The following TAF4B variants were observed in gnomAD, a reference collection of about 807,000 sequenced individuals.
TAF4B encodes the protein transcription initiation factor TFIID subunit 4B.
In TAF4B, 38 loss-of-function variants were observed where a neutral mutation model predicts 86.4. That is an observed-to-expected ratio of 0.44 (90% confidence interval 0.34 to 0.58). The LOEUF is 0.58. TAF4B is among the 20% of genes least tolerant of loss of function. The pLI, the probability that TAF4B is intolerant of heterozygous loss-of-function variation, is 0.02. For missense variants in TAF4B, 988 were observed against 1,027.6 expected, an observed-to-expected ratio of 0.96 and a Z score of 0.53; for synonymous variants, 388 against 391.2, an observed-to-expected ratio of 0.99 and a Z score of 0.10.
intron 10 of TAF4B, among the ~76,000 whole-genome samples, chr18:26,316,217 G>A (rs2056910327): frequency 6.6e-6 from 1 of 151,958 alleles, no homozygotes. Flanking sequence ...ATTTTATAAC[G>A]AAGGCTTGAT....
At chr18:26,368,988 G>C (rs1377794981) in intron 14 of TAF4B, among the ~76,000 whole-genome samples, 3 of 152,080 alleles carry the variant, frequency 2.0e-5, no homozygotes, top group Admixed American at 6.5e-5. Flanking sequence ...TGGTAGTAAG[G>C]GTATTCAGTA....
At chr18:26,245,203 CA>C (rs2055904235) in intron 1 of TAF4B, among the ~76,000 whole-genome samples, 1 of 152,110 alleles carries the variant, frequency 6.6e-6, no homozygotes, top group Non-Finnish European at 1.5e-5. Flanking sequence ...GAATAGCAAG[CA>C]AAAGGGGTCC....
intron 13 of TAF4B, among the ~76,000 whole-genome samples, chr18:26,338,729 C>T (rs1407201403): frequency 3.3e-5 from 5 of 151,982 alleles, no homozygotes; most frequent in South Asian, 2.1e-4. Context: ...CCTCCTGCCT[C>T]GGCCTCCCAA....
At chr18:26,324,047 G>A (rs12953773) in intron 11 of TAF4B, among the ~76,000 whole-genome samples, 31,205 of 151,740 alleles carry the variant, frequency 0.21, 4,047 homozygotes, top group Non-Finnish European at 0.29. Flanking sequence ...TTCTCATTTC[G>A]TTTTGGATAT....
intron 14 of TAF4B, among the ~76,000 whole-genome samples, chr18:26,383,871 T>A (rs1383559103): frequency 6.6e-6 from 1 of 152,206 alleles, no homozygotes; most frequent in Non-Finnish European, 1.5e-5. Context: ...GTTCTGCTTG[T>A]TGACCAGCAG....
rs371487723 is a variant in TAF4B, at chr18:26,286,053, G to T, written c.1144G>T (p.Val382Phe). Residue 382 changes from valine (V) to phenylalanine (F), a missense_variant, in exon 7 of 15, where the codon GTT (valine) becomes TTT (phenylalanine). Val to Phe is a conservative substitution (Grantham distance 50, BLOSUM62 -1). Transcript: ENST00000269142. ...SSSQSEKSII[V>F]SGATAPRTVS... ...AAGCCAGTCTGAAAAGTCAATTATT[G>T]TTTCTGGAGCAACAGCACCCAGAAC... 47 of 1,614,056 alleles carry T rather than the reference G, an allele frequency of 2.9e-5. No homozygotes were observed. Among genetic ancestry groups the T allele is most frequent in the Non-Finnish European group, 3.7e-5 (44 of 1,180,050 alleles).
At chr18:26,246,041 A>G (rs910824602) in intron 1 of TAF4B, among the ~76,000 whole-genome samples, 3 of 152,196 alleles carry the variant, frequency 2.0e-5, no homozygotes, top group African/African-American at 7.2e-5. Context: ...TAATATTTCA[A>G]TCGGCATTGC....
At chr18:26,348,115 A>G (rs1172372629) in intron 13 of TAF4B, among the ~76,000 whole-genome samples, 1 of 152,236 alleles carries the variant, frequency 6.6e-6, no homozygotes, top group African/African-American at 2.4e-5. Context: ...TGCAGAATAC[A>G]TATTCTTTCC....
intron 7 of TAF4B, 52 bp from the exon 8 acceptor site, chr18:26,292,193 CT>C: frequency 6.4e-7 from 1 of 1,559,062 alleles, no homozygotes. Context: ...AAATCTTATC[CT>C]TTTCTAAAGC....
chr18:26,356,551 A>G (rs191842448), intron 13 of TAF4B, among the ~76,000 whole-genome samples: 92 of 152,122 alleles, frequency 6.0e-4, no homozygotes, highest in African/African-American at 2.1e-3. Context: ...TTTGGTTAGT[A>G]CTCTTTTGAA....
intron 14 of TAF4B, among the ~76,000 whole-genome samples, chr18:26,384,952 A>T (rs1337690634): frequency 6.6e-6 from 1 of 152,142 alleles, no homozygotes; most frequent in Admixed American, 6.5e-5. Flanking sequence ...GTTCTTGCCC[A>T]TAGTAGGTAC....
At chr18:26,293,616 T>C in intron 9 of TAF4B, 85 bp downstream of exon 9, 1 of 762,952 alleles carries the variant, frequency 1.3e-6, no homozygotes, top group South Asian at 2.1e-5. Flanking sequence ...CTTACTAAAA[T>C]AGATATACTG....
At chr18:26,343,543 T>C (rs1411274055) in intron 13 of TAF4B, among the ~76,000 whole-genome samples, 1 of 152,220 alleles carries the variant, frequency 6.6e-6, no homozygotes, top group East Asian at 1.9e-4. Context: ...TTGGAACCTG[T>C]GGCTTGAACC....
At chr18:26,306,255 A>G (rs906365268) in intron 9 of TAF4B, among the ~76,000 whole-genome samples, 15 of 152,178 alleles carry the variant, frequency 9.9e-5, no homozygotes, top group African/African-American at 2.7e-4. Flanking sequence ...CCCACTGTAT[A>G]GTTTTTGATG....
intron 1 of TAF4B, among the ~76,000 whole-genome samples, chr18:26,237,544 T>C (rs900605650): frequency 6.6e-6 from 1 of 151,846 alleles, no homozygotes; most frequent in African/African-American, 2.4e-5. Flanking sequence ...GTGGGGGAGA[T>C]TAGAGGAGGC....
At chr18:26,233,206 C>T (rs1015339385) in intron 1 of TAF4B, among the ~76,000 whole-genome samples, 1 of 152,072 alleles carries the variant, frequency 6.6e-6, no homozygotes, top group South Asian at 2.1e-4. Context: ...CTCTGGTGAG[C>T]GGCTGGGAAG....
chr18:26,262,591 C>T (rs774220910), intron 1 of TAF4B, among the ~76,000 whole-genome samples: 1 of 151,712 alleles, frequency 6.6e-6, no homozygotes, highest in African/African-American at 2.4e-5. Flanking sequence ...TCTTGTGCTT[C>T]AGCCTCCTGA....
intron 8 of TAF4B, 102 bp from the exon 9 acceptor site, chr18:26,293,324 T>G: frequency 1.4e-6 from 1 of 713,902 alleles, no homozygotes; most frequent in Admixed American, 3.5e-5. Context: ...TGGAATTTTC[T>G]TTGATTATTC....
At chr18:26,367,448 T>G (rs2057379315) in intron 14 of TAF4B, among the ~76,000 whole-genome samples, 1 of 152,146 alleles carries the variant, frequency 6.6e-6, no homozygotes, top group Non-Finnish European at 1.5e-5. Flanking sequence ...AGGCAGAAAA[T>G]GCATGTACGA....
Sources: allele counts gnomAD v4.1 joint callset (sites outside exome capture counted in the v4.1 genomes callset), GRCh38; gene constraint gnomAD v4.1.1; transcripts MANE v1.5; gene names NCBI Gene and HGNC (gene_info 2026-07-23, HGNC 2026-07-21).